LDLRAP1: variants seen among roughly 807,000 people sequenced by gnomAD.
LDLRAP1 encodes low density lipoprotein receptor adaptor protein 1.
Under a neutral mutation model 37.8 loss-of-function variants are expected in LDLRAP1, and 30 were observed. The ratio of observed to expected loss-of-function variants is 0.79; its 90% CI spans 0.59 to 1.08. The LOEUF is 1.08. LDLRAP1 is among the 50% of genes least tolerant of loss of function. The pLI is 0.00. For synonymous variants in LDLRAP1, 156 were observed against 169.8 expected, an observed-to-expected ratio of 0.92 and a Z score of 0.63; for missense variants, 375 against 401.6, an observed-to-expected ratio of 0.93 and a Z score of 0.57.
chr1:25,569,687 C>T (rs909428652), downstream of LDLRAP1, among the ~76,000 whole-genome samples: 1 of 152,210 alleles, frequency 6.6e-6, no homozygotes, highest in African/African-American at 2.4e-5. Flanking sequence ...AGTTAGCAAC[C>T]AGTGTTAACT....
intron 8 of LDLRAP1, among the ~76,000 whole-genome samples, chr1:25,565,475 G>A (rs1481867511): frequency 6.6e-6 from 1 of 152,096 alleles, no homozygotes; most frequent in African/African-American, 2.4e-5. Context: ...GCAGTCTGAG[G>A]TGAGCGAAAC....
Position 25,562,647 on chromosome 1 carries a change from C to G in LDLRAP1, c.463C>G (p.Gln155Glu), listed in dbSNP as rs764547660. ...AFLCTKRKMA[Q>E]AVTLTVAQAF... The stretch of plus-strand genomic sequence containing the variant: ...CATCCCCACTTCCTGTTTTCAGGCA[C>G]AGGCTGTTACCCTCACCGTAGCCCA... The change falls in exon 5 of 9, where the codon CAG becomes GAG. Residue 155 changes from glutamine (Q) to glutamate (E), a missense_variant. By Grantham distance (29) the Gln-to-Glu change is conservative. Transcript: ENST00000374338. 6.2e-7 allele frequency: 1 copy of G among 1,614,132 alleles called. No individual in the cohort carries two copies. The highest frequency in any genetic ancestry group is 8.5e-7 in the Non-Finnish European group (1 of 1,179,932).
chr1:25,553,870 G>C (rs925575032), intron 1 of LDLRAP1, 52 bp from the exon 2 acceptor site: 18 of 1,605,478 alleles, frequency 1.1e-5, no homozygotes, highest in African/African-American at 2.7e-5. Context: ...AGCTGTTGCT[G>C]GTGGTGGGCC....
the LDLRAP1 span, among the ~76,000 whole-genome samples, chr1:25,587,140 A>AT: frequency 1.3e-5 from 2 of 151,818 alleles, no homozygotes; most frequent in African/African-American, 4.8e-5. Context: ...ATTCACTTCT[A>AT]TTTTGTTTAT....
chr1:25,564,421 A>G (rs1270656895), intron 7 of LDLRAP1: 1 of 163,782 alleles, frequency 6.1e-6, no homozygotes, highest in Non-Finnish European at 1.3e-5. Context: ...GGTCAGAATC[A>G]GGAAACAAAC....
chr1:25,563,484 G>T, intron 6 of LDLRAP1, 177 bp from the exon 7 acceptor site: 1 of 812,964 alleles, frequency 1.2e-6, no homozygotes, highest in Non-Finnish European at 2.0e-6. Context: ...CATTAGTCAG[G>T]TTCTCACTCT....
chr1:25,583,604 C>T, the LDLRAP1 span, among the ~76,000 whole-genome samples: 3 of 152,154 alleles, frequency 2.0e-5, no homozygotes, highest in East Asian at 3.9e-4. Flanking sequence ...CTGAGCTTCC[C>T]GGATCTGTAG....
At chr1:25,562,563 G>A in intron 4 of LDLRAP1, 81 bp from the exon 5 acceptor site, 1 of 1,207,120 alleles carries the variant, frequency 8.3e-7, no homozygotes, top group African/African-American at 1.5e-5. Flanking sequence ...GGCCTGGCCT[G>A]GAGGCCCCAG....
intron 1 of LDLRAP1, among the ~76,000 whole-genome samples, chr1:25,550,711 G>T (rs1284033113): frequency 2.6e-5 from 4 of 152,132 alleles, no homozygotes; most frequent in Non-Finnish European, 5.9e-5. Flanking sequence ...TCCCTGTCTG[G>T]GCTTCAGTTG....
At chr1:25,577,845 G>A in the LDLRAP1 span, among the ~76,000 whole-genome samples, 2 of 152,246 alleles carry the variant, frequency 1.3e-5, no homozygotes, top group Non-Finnish European at 2.9e-5. Context: ...CTCTTGTGTG[G>A]ATGAGAGGAG....
At position 25,555,124 on chromosome 1, in the gene LDLRAP1, C is replaced by T. The variant is rs1440749474; in HGVS notation, c.344+152C>T. On this transcript the variant is annotated intron_variant, in intron 3 of 8. Coordinates refer to ENST00000374338, the MANE Select transcript of LDLRAP1 (RefSeq NM_015627.3). This position sits in a 1 kb window ranked among gnomAD's most constrained non-coding sequence, Gnocchi z 4.7. ...AAAATGGGGGTGGGAACAGATCCTG[C>T]TGCACAGCGCTGTTAGGAAACGTGG... The T allele has an allele frequency of 4.2e-6, 3 of 715,724 alleles. No homozygotes were observed. Among genetic ancestry groups the T allele is most frequent in the Admixed American group, 4.0e-5 (2 of 49,872 alleles). The allele number at this position is 715,724 out of a possible 1,614,324, so 44.3% of individuals were successfully genotyped here. A position where few individuals can be genotyped will look rare whatever the true frequency, so the allele number is the denominator to read the frequency against.
chr1:25,568,057 T>C lies in LDLRAP1; in HGVS notation c.*1065T>C. 6.5e-6 allele frequency: 1 copy of C among 152,782 alleles called. No individual in the cohort carries two copies. The highest frequency in any genetic ancestry group is 1.5e-5 in the Non-Finnish European group (1 of 68,060). 9.5% of individuals were successfully genotyped at this position (152,782 alleles called of 1,614,324 possible). A position where few individuals can be genotyped will look rare whatever the true frequency, so the allele number is the denominator to read the frequency against. The stretch of plus-strand genomic sequence containing the variant: ...AGCTGCTTTCTTCTCTGCCTCCTCC[T>C]CACGCAACTCACACCTCCTTTTCTT... On this transcript the variant is annotated 3_prime_UTR_variant, in exon 9 of 9. Coordinates refer to ENST00000374338, the MANE Select transcript of LDLRAP1 (RefSeq NM_015627.3).
At chr1:25,557,370 ATTAC>A in intron 4 of LDLRAP1, 103 bp downstream of exon 4, 1 of 875,706 alleles carries the variant, frequency 1.1e-6, no homozygotes, top group Non-Finnish European at 1.9e-6. Context: ...AAAGGTGACC[ATTAC>A]TTAAGAAGAG....
At chr1:25,585,110 G>A in the LDLRAP1 span, among the ~76,000 whole-genome samples, 2 of 152,146 alleles carry the variant, frequency 1.3e-5, no homozygotes, top group African/African-American at 4.8e-5. Flanking sequence ...AGGGCAGAGC[G>A]GTAAGAGTTG....
At chr1:25,563,311 T>C (rs2044391802) in intron 6 of LDLRAP1, among the ~76,000 whole-genome samples, 158 bp downstream of exon 6, 1 of 152,142 alleles carries the variant, frequency 6.6e-6, no homozygotes, top group South Asian at 2.1e-4. Context: ...AATTAGAAAA[T>C]GTAGATAAGG....
Position 25,554,675 on chromosome 1 carries a change from C to T in LDLRAP1, c.232-185C>T, listed in dbSNP as rs368787029. Among the ~76,000 whole-genome samples the T allele has an allele frequency of 1.1e-4, 17 of 152,362 alleles. No homozygotes were observed. Among genetic ancestry groups the T allele is most frequent in the African/African-American group, 3.8e-4 (16 of 41,590 alleles). On this transcript the variant is annotated intron_variant, in intron 2 of 8. Coordinates refer to ENST00000374338, the MANE Select transcript of LDLRAP1 (RefSeq NM_015627.3). This position sits in a 1 kb window ranked among gnomAD's most constrained non-coding sequence, Gnocchi z 5.4. The stretch of plus-strand genomic sequence containing the variant: ...CGGTGCCTGACAGATAGCTGGTGCT[C>T]AGCAGATGCTGCTCCTGTTTCTATT...
chr1:25,565,550 T>C (rs2044457050), intron 8 of LDLRAP1, among the ~76,000 whole-genome samples: 1 of 152,168 alleles, frequency 6.6e-6, no homozygotes, highest in South Asian at 2.1e-4. Flanking sequence ...TGGGCTTTTT[T>C]TTTTTTTTAC....
At position 25,543,762 on chromosome 1, in the gene LDLRAP1, TG is replaced by T. The variant is rs1201229554; in HGVS notation, c.71del (p.Gly24AlafsTer32). On this transcript the variant is annotated frameshift_variant, in exon 1 of 9. Transcript: ENST00000374338. LOFTEE classifies it high-confidence loss of function. ...GAGCCCCAGCTTGGCCAAGCAGAGC[TG>T]GGGGGGCGGTGGCCGGCACCGCAGT... ...IRSPSLAKQS[W>X]GGGGRHRKLP... 32 of 1,208,818 alleles carry T rather than the reference TG, an allele frequency of 2.6e-5. No homozygotes were observed. Among genetic ancestry groups the T allele is most frequent in the Non-Finnish European group, 3.3e-5 (32 of 973,394 alleles). 74.9% of individuals were successfully genotyped at this position (1,208,818 alleles called of 1,614,324 possible).
rs2044501043 is a variant in LDLRAP1 at position 25,566,978 on chromosome 1, C to T, written c.913C>T (p.Leu305Phe). The change falls in exon 9 of 9, where the codon CTC becomes TTC. Residue 305 changes from leucine to phenylalanine, a missense_variant. Coordinates refer to ENST00000374338, the MANE Select transcript of LDLRAP1 (RefSeq NM_015627.3). ...CAGCAGCGGCACAGAGCAGGATGACCTCTTCAGCTTCTGAGGGCCCGGGGC... is the reference window on the plus strand; with the variant it reads ...CAGCAGCGGCACAGAGCAGGATGACTTCTTCAGCTTCTGAGGGCCCGGGGC... ...PDSSGTEQDDLFSF is the reference protein window; with the variant it reads ...PDSSGTEQDDFFSF 6.2e-7 allele frequency: 1 copy of T among 1,613,438 alleles called. No individual in the cohort carries two copies. The highest frequency in any genetic ancestry group is 8.5e-7 in the Non-Finnish European group (1 of 1,180,020).
Sources: gnomAD v4.1 joint callset for allele counts (sites outside exome capture counted in the v4.1 genomes callset) on GRCh38, gnomAD v4.1.1 for gene constraint, Gnocchi (gnomAD v3.1) non-coding constraint, MANE v1.5 for transcripts, NCBI Gene and HGNC (gene_info 2026-07-23, HGNC 2026-07-21) for gene names.